Variants in PCDH15 observed in about 807,000 individuals in gnomAD.
The protein encoded by PCDH15 is protocadherin-15.
In PCDH15, 129 loss-of-function variants were observed where a neutral mutation model predicts 178.5. That is an observed-to-expected ratio of 0.72 (90% CI 0.63 to 0.84). The LOEUF (loss-of-function observed/expected upper bound fraction) is 0.84, where lower values mean the gene tolerates loss of function less well. Among genes scored for constraint, PCDH15 ranks in the 40% least tolerant of loss-of-function variants. The pLI is 0.00. For missense variants in PCDH15, 2,230 were observed against 2,099.9 expected, an observed-to-expected ratio of 1.06 and a Z score of -1.21; for synonymous variants, 800 against 732.0, an observed-to-expected ratio of 1.09 and a Z score of -1.50.
At chr10:53,907,732 AAAT>A (rs773076502) in intron 25 of PCDH15, among the ~76,000 whole-genome samples, 3 of 152,156 alleles carry the variant, frequency 2.0e-5, no homozygotes, top group Admixed American at 6.5e-5. Flanking sequence ...AAGAAAGAGA[AAAT>A]AATACTTTTA....
intron 1 of PCDH15, among the ~76,000 whole-genome samples, chr10:54,749,236 C>T (rs1365793193): frequency 1.3e-5 from 2 of 152,058 alleles, no homozygotes; most frequent in African/African-American, 4.8e-5. Context: ...AAATGTAATG[C>T]TTTCACTGCA....
intron 20 of PCDH15, among the ~76,000 whole-genome samples, chr10:54,010,978 G>T (rs1826264371): frequency 1.3e-5 from 2 of 152,104 alleles, no homozygotes; most frequent in South Asian, 4.1e-4. Flanking sequence ...GACTGGAGAA[G>T]AAAGAAAGGG....
rs35604056 is a variant in PCDH15 at position 54,316,529 on chromosome 10, T to TACAC, written c.876+738_876+741dup. Among the ~76,000 whole-genome samples the TACAC allele has an allele frequency of 5.5e-3, 734 of 132,274 alleles. 4 individuals carry two copies. The highest frequency in any genetic ancestry group is 0.017 in the East Asian group (78 of 4,714). The allele number at this position is 132,274 out of a possible 152,430, so 86.8% of individuals were successfully genotyped here. A position where few individuals can be genotyped will look rare whatever the true frequency, so the allele number is the denominator to read the frequency against. ...AATTTTTAAAAACAGAATATGTGTA[T>TACAC]ACACACACACACACACACACACACA... On this transcript the variant is annotated intron_variant, in intron 8 of 37. Transcript: ENST00000644397.
intron 1 of PCDH15, among the ~76,000 whole-genome samples, chr10:55,256,025 A>G (rs1004254584): frequency 3.3e-5 from 5 of 152,120 alleles, no homozygotes; most frequent in African/African-American, 1.2e-4. Flanking sequence ...GTCCTTGCCC[A>G]TGCCTATGTC....
At chr10:55,513,034 T>C (rs578173823) in intron 2 of PCDH15, 6 of 152,238 alleles carry the variant, frequency 3.9e-5, no homozygotes, top group South Asian at 2.1e-4. Context: ...CTTAATAACT[T>C]TGGTGATTAA....
intron 2 of PCDH15, among the ~76,000 whole-genome samples, chr10:55,451,740 G>A (rs1589039880): frequency 6.6e-6 from 1 of 152,074 alleles, no homozygotes; most frequent in Admixed American, 6.5e-5. Flanking sequence ...TTTTAGCTCC[G>A]ATTCTGAGTT....
At chr10:54,476,690 G>A (rs960802170) in intron 3 of PCDH15, among the ~76,000 whole-genome samples, 1 of 151,810 alleles carries the variant, frequency 6.6e-6, no homozygotes, top group Non-Finnish European at 1.5e-5. Flanking sequence ...CAATTTTGTG[G>A]TTATGTTTCA....
At chr10:54,789,086 T>C (rs1054768073) in intron 1 of PCDH15, among the ~76,000 whole-genome samples, 2 of 151,876 alleles carry the variant, frequency 1.3e-5, no homozygotes, top group African/African-American at 2.4e-5. Flanking sequence ...AAAGCATAAG[T>C]ACGTCTAATA....
At chr10:55,543,248 T>C (rs1841803740) in intron 2 of PCDH15, among the ~76,000 whole-genome samples, 2 of 150,668 alleles carry the variant, frequency 1.3e-5, no homozygotes, top group African/African-American at 4.9e-5. Context: ...TGTGTGTCTA[T>C]ATATATAATA....
chr10:55,584,143 C>G (rs1290240474), intron 2 of PCDH15, among the ~76,000 whole-genome samples: 1 of 152,080 alleles, frequency 6.6e-6, no homozygotes, highest in Non-Finnish European at 1.5e-5. Context: ...TTCAGCCTCC[C>G]AAAGTGCTGG....
chr10:54,789,529 T>C (rs1293541231), intron 1 of PCDH15, among the ~76,000 whole-genome samples: 1 of 151,878 alleles, frequency 6.6e-6, no homozygotes, highest in Non-Finnish European at 1.5e-5. Flanking sequence ...ATACTTTGGT[T>C]CAAAACCAAA....
At chr10:54,217,500 T>C (rs2052227803) in intron 9 of PCDH15, among the ~76,000 whole-genome samples, 1 of 152,166 alleles carries the variant, frequency 6.6e-6, no homozygotes, top group African/African-American at 2.4e-5. Context: ...TTCTATTCTT[T>C]TCAGTATTGA....
Position 54,941,328 on chromosome 10 carries a change from A to G in PCDH15, c.-79-43828T>C, listed in dbSNP as rs145803164. On this transcript the variant is annotated intron_variant, in intron 2 of 5. Transcript: ENST00000458638. Reference sequence around the variant, plus strand: ...TCTTTTTTGTGCTACAATTTTATACATATTACATTGTACAATGATTATTTT... The same window carrying G: ...TCTTTTTTGTGCTACAATTTTATACGTATTACATTGTACAATGATTATTTT... Among the ~76,000 whole-genome samples the G allele has an allele frequency of 7.7e-3, 1,167 of 152,170 alleles. 7 individuals carry two copies. The highest frequency in any genetic ancestry group is 0.014 in the Middle Eastern group (4 of 294).
chr10:53,846,080 A>T (rs1364683358), intron 28 of PCDH15, among the ~76,000 whole-genome samples: 1 of 151,476 alleles, frequency 6.6e-6, no homozygotes, highest in Non-Finnish European at 1.5e-5. Context: ...AATGAATGCC[A>T]AAAATTTCCC....
intron 2 of PCDH15, among the ~76,000 whole-genome samples, chr10:54,545,366 A>G (rs1488245090): frequency 6.6e-6 from 1 of 152,186 alleles, no homozygotes; most frequent in Admixed American, 6.5e-5. Context: ...TGTATTTTAG[A>G]AAGATTTGTA....
intron 3 of PCDH15, among the ~76,000 whole-genome samples, chr10:54,391,860 G>A (rs1157346307): frequency 6.6e-6 from 1 of 152,128 alleles, no homozygotes. Flanking sequence ...ACCTCCTCAA[G>A]GCATTGTCTT....
intron 2 of PCDH15, among the ~76,000 whole-genome samples, chr10:55,529,029 T>C (rs1379338004): frequency 3.9e-5 from 6 of 152,168 alleles, no homozygotes; most frequent in Non-Finnish European, 7.4e-5. Flanking sequence ...TGTCTTCTTT[T>C]GAGAAGTGTC....
intron 28 of PCDH15, among the ~76,000 whole-genome samples, chr10:53,845,501 TA>T (rs770870357): frequency 6.6e-6 from 1 of 151,780 alleles, no homozygotes; most frequent in African/African-American, 2.4e-5. Context: ...GATGAGTGGA[TA>T]AAGCAAATAC....
chr10:54,629,821 T>A (rs2093654409), intron 2 of PCDH15, among the ~76,000 whole-genome samples: 1 of 152,146 alleles, frequency 6.6e-6, no homozygotes, highest in Non-Finnish European at 1.5e-5. Context: ...GGTGCTGATA[T>A]AATTCTGTAC....
Sources: allele counts gnomAD v4.1 joint callset (sites outside exome capture counted in the v4.1 genomes callset), GRCh38; gene constraint gnomAD v4.1.1; transcripts MANE v1.5; gene names NCBI Gene and HGNC (gene_info 2026-07-23, HGNC 2026-07-21).